ANKRD17: variants seen among roughly 807,000 people sequenced by gnomAD.
The protein encoded by ANKRD17 is ankyrin repeat domain 17.
A neutral mutation model predicts 229.7 loss-of-function variants in ANKRD17; 19 were observed. The ratio of observed to expected loss-of-function variants is 0.08; its 90% CI spans 0.06 to 0.12. The LOEUF (loss-of-function observed/expected upper bound fraction) is 0.12, where lower values mean the gene tolerates loss of function less well. Ranked by LOEUF, ANKRD17 falls within the 10% of genes least tolerant of loss-of-function variation. The pLI is 1.00. For missense variants in ANKRD17, 2,176 were observed against 3,176.8 expected (o/e 0.68, Z 7.57); for synonymous variants, 1,112 against 1,146.1 (o/e 0.97, Z 0.60).
intron 25 of ANKRD17, among the ~76,000 whole-genome samples, chr4:73,101,664 CAAAA>C (rs71215484): frequency 9.0e-6 from 1 of 111,482 alleles, no homozygotes. Flanking sequence ...GACTCGGTCT[CAAAA>C]AAAAAAAAAA....
chr4:73,247,169 A>T (rs780238235), intron 1 of ANKRD17, among the ~76,000 whole-genome samples: 3 of 152,236 alleles, frequency 2.0e-5, no homozygotes, highest in Non-Finnish European at 4.4e-5. Flanking sequence ...TGAAAAACAA[A>T]GATTAAAAAA....
intron 25 of ANKRD17, chr4:73,099,178 C>T (rs772426064): frequency 2.6e-5 from 17 of 658,526 alleles, no homozygotes; most frequent in Non-Finnish European, 4.6e-5. Context: ...ACTGAAGGAG[C>T]AGCTTCCTTC....
chr4:73,222,671 A>C (rs1181209355), intron 1 of ANKRD17, among the ~76,000 whole-genome samples: 3 of 152,210 alleles, frequency 2.0e-5, no homozygotes, highest in Admixed American at 2.0e-4. Context: ...TAATGAGTTA[A>C]TCTAAAGGTC....
At chr4:73,129,751 C>G (rs1727938919) in intron 16 of ANKRD17, among the ~76,000 whole-genome samples, 1 of 149,732 alleles carries the variant, frequency 6.7e-6, no homozygotes, top group Admixed American at 6.8e-5. Flanking sequence ...AAAAGTACAT[C>G]TATTAATTAC....
intron 14 of ANKRD17, among the ~76,000 whole-genome samples, chr4:73,141,440 T>C (rs1040338872): frequency 6.6e-6 from 1 of 152,194 alleles, no homozygotes; most frequent in African/African-American, 2.4e-5. Flanking sequence ...TATAAAAATA[T>C]TGCTCAACTA....
At chr4:73,120,026 G>T in intron 21 of ANKRD17, 136 bp downstream of exon 21, 1 of 917,630 alleles carries the variant, frequency 1.1e-6, no homozygotes, top group Non-Finnish European at 1.7e-6. Context: ...CAATGGGTAG[G>T]TTTGGGGGAA....
chr4:73,161,219 C>T lies in ANKRD17; in HGVS notation c.677G>A (p.Ser226Asn). 1 of 1,614,160 alleles carries T rather than the reference C, an allele frequency of 6.2e-7. No individual in the cohort carries two copies. Among genetic ancestry groups the T allele is most frequent in the South Asian group, 1.1e-5 (1 of 91,062 alleles). ...GTCCGACTGCCCTGCATTTGCTGTGCTTTCAGCTCTCATACGGGTAAGTGC... is the reference window on the plus strand; with the variant it reads ...GTCCGACTGCCCTGCATTTGCTGTGTTTTCAGCTCTCATACGGGTAAGTGC... The part of the protein sequence containing the change: ...AAALTRMRAE[S>N]TANAGQSDNR... Residue 226 changes from serine (S) to asparagine (N), a missense_variant, in exon 3 of 34, where the codon AGC (serine) becomes AAC (asparagine). Around this residue, in one of 18 missense-constraint regions of ANKRD17, gnomAD observed 184 missense variants for 357.8 expected, o/e 0.51. Transcript: ENST00000358602.
chr4:73,088,704 AAAG>A (rs1722462112), intron 29 of ANKRD17, among the ~76,000 whole-genome samples: 1 of 152,234 alleles, frequency 6.6e-6, no homozygotes, highest in African/African-American at 2.4e-5. Flanking sequence ...GACTTTTAGC[AAAG>A]AATATTTACT....
At chr4:73,186,481 AACC>A in intron 1 of ANKRD17, among the ~76,000 whole-genome samples, 1 of 152,260 alleles carries the variant, frequency 6.6e-6, no homozygotes, top group South Asian at 2.1e-4. Flanking sequence ...TTACAGAATA[AACC>A]ACTGATCTAT....
chr4:73,191,341 A>ATGTATGTG (rs1553933229), intron 1 of ANKRD17, among the ~76,000 whole-genome samples: 3 of 125,244 alleles, frequency 2.4e-5, no homozygotes, highest in African/African-American at 6.2e-5. Flanking sequence ...AAAAATATAT[A>ATGTATGTG]TGTGTGTGTG....
chr4:73,205,869 A>G (rs1403385212), intron 1 of ANKRD17, among the ~76,000 whole-genome samples: 5 of 152,246 alleles, frequency 3.3e-5, no homozygotes, highest in Non-Finnish European at 7.3e-5. Flanking sequence ...CCAAAAACAC[A>G]TAAAAATCTT....
At chr4:73,237,527 G>A (rs1270156830) in intron 1 of ANKRD17, among the ~76,000 whole-genome samples, 1 of 152,186 alleles carries the variant, frequency 6.6e-6, no homozygotes, top group Non-Finnish European at 1.5e-5. Flanking sequence ...GGACTGTGAG[G>A]TGGGGATCTG....
chr4:73,144,500 A>C (rs1248987266), intron 11 of ANKRD17, among the ~76,000 whole-genome samples: 1 of 152,210 alleles, frequency 6.6e-6, no homozygotes, highest in African/African-American at 2.4e-5. Flanking sequence ...TTACACAGAG[A>C]AATTTCCCTT....
At chr4:73,244,750 C>T (rs984459958) in intron 1 of ANKRD17, among the ~76,000 whole-genome samples, 5 of 152,284 alleles carry the variant, frequency 3.3e-5, no homozygotes, top group African/African-American at 1.2e-4. Flanking sequence ...GCTGCTCTAA[C>T]AAACTCCTAA....
At chr4:73,087,069 C>G (rs534056431) in intron 29 of ANKRD17, among the ~76,000 whole-genome samples, 1 of 148,452 alleles carries the variant, frequency 6.7e-6, no homozygotes, top group Non-Finnish European at 1.5e-5. Flanking sequence ...ACTAACCACA[C>G]GGCCATGCTT....
Position 73,247,330 on chromosome 4 carries a change from T to C in ANKRD17, c.393+10946A>G, listed in dbSNP as rs1353344185. On this transcript the variant is annotated intron_variant, in intron 1 of 33. Coordinates refer to ENST00000358602, the MANE Select transcript of ANKRD17 (RefSeq NM_032217.5). ...AAAACTTGAGAGTATTTATCAAATT[T>C]AACATGTGCATACTCTAGCCCAACA... is the stretch of plus-strand genomic sequence containing the variant. Among the ~76,000 whole-genome samples, 7 of 152,042 alleles carry C rather than the reference T, an allele frequency of 4.6e-5. No homozygotes were observed. The East Asian group carries it at 1.3e-3, about 29-fold the overall frequency.
At chr4:73,239,834 A>G (rs191337606) in intron 1 of ANKRD17, among the ~76,000 whole-genome samples, 63 of 152,286 alleles carry the variant, frequency 4.1e-4, no homozygotes, top group Admixed American at 7.2e-4. Context: ...TTTGGTGAAA[A>G]CTTTAGACAA....
intron 22 of ANKRD17, among the ~76,000 whole-genome samples, chr4:73,116,902 A>G (rs1726031569): frequency 6.6e-6 from 1 of 152,108 alleles, no homozygotes; most frequent in Admixed American, 6.6e-5. Context: ...CCACAGTTGC[A>G]CATGTTAGGT....
rs551420876 is a variant in ANKRD17 at position 73,130,213 on chromosome 4, A to G, written c.3235-4901T>C. On this transcript the variant is annotated intron_variant, in intron 16 of 33. Transcript: ENST00000358602. ...TACATGTAAGCTTAAAAAGTGGGAT[A>G]GCACTTCAAGGTATTCAATAAATGA... Among the ~76,000 whole-genome samples, 3 of 152,328 alleles carry G rather than the reference A, an allele frequency of 2.0e-5. No individual in the cohort carries two copies. The South Asian group carries it at 6.2e-4, about 32-fold the overall frequency.
Sources: gnomAD v4.1 joint callset for allele counts (sites outside exome capture counted in the v4.1 genomes callset) on GRCh38, gnomAD v4.1.1 for gene constraint, gnomAD v4.1.1 regional missense constraint, MANE v1.5 for transcripts, NCBI Gene and HGNC (gene_info 2026-07-23, HGNC 2026-07-21) for gene names.